FHIT: variants seen among roughly 807,000 people sequenced by gnomAD.
The protein encoded by FHIT is bis(5'-adenosyl)-triphosphatase.
A neutral mutation model predicts 17.9 loss-of-function variants in FHIT; 19 were observed. The observed-to-expected ratio is 1.06, with a 90% confidence interval of 0.74 to 1.56. FHIT has a LOEUF of 1.56. Ranked by LOEUF, FHIT falls within the 40% of genes most tolerant of loss-of-function variation. The pLI, the probability that FHIT is intolerant of heterozygous loss-of-function variation, is 0.00. For missense variants in FHIT, 248 were observed against 189.2 expected (o/e 1.31, Z -1.82); for synonymous variants, 81 against 69.7 (o/e 1.16, Z -0.81).
chr3:59,764,743 C>A (rs1354459252), intron 8 of FHIT, among the ~76,000 whole-genome samples: 1 of 151,708 alleles, frequency 6.6e-6, no homozygotes, highest in Non-Finnish European at 1.5e-5. Flanking sequence ...TTTTTCTAAC[C>A]AGAATACTTG....
intron 4 of FHIT, among the ~76,000 whole-genome samples, chr3:60,712,829 G>C (rs2041575194): frequency 1.4e-5 from 2 of 143,328 alleles, no homozygotes; most frequent in Admixed American, 1.4e-4. Flanking sequence ...ATAATAATGG[G>C]AGACTTTAAC....
intron 3 of FHIT, among the ~76,000 whole-genome samples, chr3:60,910,005 G>C (rs1293278549): frequency 6.6e-6 from 1 of 152,156 alleles, no homozygotes; most frequent in Non-Finnish European, 1.5e-5. Context: ...GAGTAGGTGA[G>C]AAGCATAGAA....
At chr3:59,898,239 C>T (rs1704161428) in intron 8 of FHIT, among the ~76,000 whole-genome samples, 1 of 152,152 alleles carries the variant, frequency 6.6e-6, no homozygotes, top group Non-Finnish European at 1.5e-5. Context: ...CCATATAAGA[C>T]ATAAACAAAT....
intron 1 of FHIT, among the ~76,000 whole-genome samples, chr3:61,223,014 T>C (rs907107835): frequency 6.6e-5 from 10 of 152,198 alleles, no homozygotes; most frequent in Admixed American, 5.9e-4. Context: ...ACAATGAAAA[T>C]TGTGAATACA....
At chr3:59,992,686 G>C (rs1049594815) in intron 7 of FHIT, among the ~76,000 whole-genome samples, 9 of 152,116 alleles carry the variant, frequency 5.9e-5, no homozygotes, top group African/African-American at 1.9e-4. Context: ...TAATTTTCTT[G>C]GTTTCAATAG....
At chr3:60,035,966 T>A (rs1210584448) in intron 5 of FHIT, among the ~76,000 whole-genome samples, 3 of 152,200 alleles carry the variant, frequency 2.0e-5, no homozygotes, top group Non-Finnish European at 4.4e-5. Flanking sequence ...GCAGATCAGC[T>A]CTGCCCATCT....
At chr3:60,176,515 T>C (rs546760132) in intron 5 of FHIT, among the ~76,000 whole-genome samples, 2 of 152,320 alleles carry the variant, frequency 1.3e-5, no homozygotes, top group South Asian at 4.1e-4. Context: ...AGTACAGGCA[T>C]ACTTCTCAAA....
At chr3:60,163,794 G>C (rs989282025) in intron 5 of FHIT, among the ~76,000 whole-genome samples, 13 of 152,192 alleles carry the variant, frequency 8.5e-5, no homozygotes, top group African/African-American at 2.9e-4. Flanking sequence ...CTGACAACCA[G>C]AAATGCCTCC....
intron 8 of FHIT, among the ~76,000 whole-genome samples, chr3:59,768,970 G>C (rs996648897): frequency 6.6e-6 from 1 of 152,164 alleles, no homozygotes; most frequent in African/African-American, 2.4e-5. Flanking sequence ...AGGGTAGACA[G>C]CCTAACCTTG....
chr3:60,078,080 A>T (rs2107021797), intron 5 of FHIT, among the ~76,000 whole-genome samples: 1 of 152,282 alleles, frequency 6.6e-6, no homozygotes, highest in South Asian at 2.1e-4. Flanking sequence ...GTTACCATTT[A>T]ACAATCATCA....
intron 4 of FHIT, among the ~76,000 whole-genome samples, chr3:60,712,868 C>T (rs1282312020): frequency 2.1e-5 from 3 of 145,418 alleles, no homozygotes; most frequent in South Asian, 2.4e-4. Flanking sequence ...GACAGATCAA[C>T]GAGACAGAAA....
Position 60,226,467 on chromosome 3 carries a change from C to T in FHIT, c.104-212315G>A, listed in dbSNP as rs368537991. ...AGCCTGGGCAACAAGAGTGAAACTC[C>T]GTCTCAAAAAAAAAAAAAAAAAAAA... On this transcript the variant is annotated intron_variant, in intron 5 of 9. Coordinates refer to ENST00000492590, the MANE Select transcript of FHIT (RefSeq NM_002012.4). Among the ~76,000 whole-genome samples the T allele has an allele frequency of 2.3e-3, 149 of 63,644 alleles. 1 individual carries two copies. Among genetic ancestry groups the T allele is most frequent in the African/African-American group, 0.013 (147 of 11,034 alleles). 41.8% of individuals were successfully genotyped at this position (63,644 alleles called of 152,430 possible).
chr3:60,867,377 A>T (rs1367739883), intron 3 of FHIT, among the ~76,000 whole-genome samples: 2 of 152,220 alleles, frequency 1.3e-5, no homozygotes, highest in Non-Finnish European at 1.5e-5. Flanking sequence ...GCTTAAGTAG[A>T]CATTTACATA....
chr3:60,961,821 G>A (rs1263580671), intron 3 of FHIT, among the ~76,000 whole-genome samples: 3 of 152,166 alleles, frequency 2.0e-5, no homozygotes, highest in Non-Finnish European at 4.4e-5. Flanking sequence ...ATGCTGTTTT[G>A]GTTACTGTAG....
chr3:61,223,482 T>G (rs1304511368), intron 1 of FHIT, among the ~76,000 whole-genome samples: 1 of 152,262 alleles, frequency 6.6e-6, no homozygotes, highest in African/African-American at 2.4e-5. Context: ...CTGCCCCTTG[T>G]AATCCACTGG....
intron 4 of FHIT, among the ~76,000 whole-genome samples, chr3:60,756,475 A>T (rs1699419446): frequency 6.6e-6 from 1 of 152,242 alleles, no homozygotes; most frequent in African/African-American, 2.4e-5. Context: ...TGCTTCCACC[A>T]GAGAGCAAAT....
intron 5 of FHIT, among the ~76,000 whole-genome samples, chr3:60,325,016 C>T (rs1015522880): frequency 2.6e-5 from 4 of 152,062 alleles, no homozygotes; most frequent in Admixed American, 1.3e-4. Flanking sequence ...GTGACTGTTT[C>T]TACTGTGCTA....
intron 3 of FHIT, among the ~76,000 whole-genome samples, chr3:61,028,679 T>C (rs748715565): frequency 1.3e-5 from 2 of 152,124 alleles, no homozygotes; most frequent in East Asian, 1.9e-4. Flanking sequence ...CCCAGAGCAC[T>C]GTAGTGAGGA....
At chr3:61,095,924 C>A (rs1358302771) in intron 2 of FHIT, among the ~76,000 whole-genome samples, 3 of 152,150 alleles carry the variant, frequency 2.0e-5, no homozygotes, top group African/African-American at 7.2e-5. Flanking sequence ...GCTCAACGCT[C>A]ACTTAACCTT....
Sources: gnomAD v4.1 joint callset for allele counts (sites outside exome capture counted in the v4.1 genomes callset) on GRCh38, gnomAD v4.1.1 for gene constraint, MANE v1.5 for transcripts, NCBI Gene and HGNC (gene_info 2026-07-23, HGNC 2026-07-21) for gene names.